Variants in NCAN observed in about 807,000 individuals in gnomAD.
The protein encoded by NCAN is neurocan.
In NCAN, 47 loss-of-function variants were observed where a neutral mutation model predicts 121.8. The observed-to-expected ratio is 0.39, with a 90% CI of 0.31 to 0.49. The LOEUF (loss-of-function observed/expected upper bound fraction) is 0.49, where lower values mean the gene tolerates loss of function less well. NCAN is among the 20% of genes least tolerant of loss of function. The pLI, the probability that NCAN is intolerant of heterozygous loss-of-function variation, is 0.92. For synonymous variants in NCAN, 633 were observed against 702.0 expected (o/e 0.90, Z 1.55); for missense variants, 1,517 against 1,773.4 (o/e 0.86, Z 2.60).
rs1389866471 is a variant in NCAN, at chr19:19,224,346, C to T, written c.691C>T (p.Arg231Cys). Residue 231 changes from arginine (R) to cysteine (C), a missense_variant, in exon 5 of 15, where the codon CGT becomes TGT. Arg to Cys is a radical substitution (Grantham distance 180). Transcript: ENST00000252575. ...TQSRPGCYGDRSSLPGVRSYG... is the reference protein window; with the variant it reads ...TQSRPGCYGDCSSLPGVRSYG... ...GTCCCGTCCTGGTTGCTATGGCGAC[C>T]GTAGCAGCCTTCCAGGGGTTCGGAG... The T allele has an allele frequency of 1.2e-6, 2 of 1,613,914 alleles. No homozygotes were observed. The highest frequency in any genetic ancestry group is 1.7e-6 in the Non-Finnish European group (2 of 1,179,970).
At position 19,226,717 on chromosome 19, in the gene NCAN, AC is replaced by A; in HGVS notation, c.1308del (p.Met437CysfsTer12). On this transcript the variant is annotated frameshift_variant, in exon 7 of 15. Transcript: ENST00000252575. LOFTEE classifies it high-confidence loss of function. ...CAGACCCTCAGCCCTACCCCTGGGG[AC>A]CCCATGCTGGCCTCATGGCCCACTG... is the stretch of plus-strand genomic sequence containing the variant. ...SQQTLSPTPGDPMLASWPTGE... is the reference protein window; with the variant it reads ...SQQTLSPTPGXPMLASWPTGE... 3.1e-6 allele frequency: 5 copies of A among 1,612,230 alleles called. No homozygotes were observed. The highest frequency in any genetic ancestry group is 4.2e-6 in the Non-Finnish European group (5 of 1,178,814).
At position 19,225,735 on chromosome 19, in the gene NCAN, G is replaced by A. The variant is rs1407869796; in HGVS notation, c.1072+465G>A. Among the ~76,000 whole-genome samples, 1 of 152,204 alleles carries A rather than the reference G, an allele frequency of 6.6e-6. No individual in the cohort carries two copies. The highest frequency in any genetic ancestry group is 1.5e-5 in the Non-Finnish European group (1 of 68,028). On this transcript the variant is annotated intron_variant, in intron 6 of 14. Transcript: ENST00000252575. The surrounding 1 kb of genome is among the most constrained non-coding windows in gnomAD (Gnocchi z 4.0). ...GGCAGTGGGGACAGCTTTGGAAGCT[G>A]CAAGCATCAACCCCAAGGAGCCATG...
At position 19,252,073 on chromosome 19, in the gene NCAN, G is replaced by A. The variant is rs1440663710; in HGVS notation, c.*2162G>A. 1 of 152,798 alleles carries A rather than the reference G, an allele frequency of 6.5e-6. No homozygotes were observed. The highest frequency in any genetic ancestry group is 6.5e-5 in the Admixed American group (1 of 15,282). The allele number at this position is 152,798 out of a possible 1,614,324, so 9.5% of individuals were successfully genotyped here. On this transcript the variant is annotated 3_prime_UTR_variant, in exon 15 of 15. Coordinates refer to ENST00000252575, the MANE Select transcript of NCAN (RefSeq NM_004386.3). The stretch of plus-strand genomic sequence containing the variant: ...TTTGGATGTGCGTGTGTGTCTGCGT[G>A]TGCCATGTGCGTGGCACGCATATGA...
At chr19:19,232,282 G>A (rs149465033) in intron 8 of NCAN, among the ~76,000 whole-genome samples, 3 of 152,290 alleles carry the variant, frequency 2.0e-5, no homozygotes, top group Non-Finnish European at 2.9e-5. Context: ...CTACCCACCC[G>A]CCGCTTGCAG....
chr19:19,229,878 A>G (rs1179015280), intron 8 of NCAN, among the ~76,000 whole-genome samples: 2 of 152,154 alleles, frequency 1.3e-5, no homozygotes, highest in African/African-American at 4.8e-5. Context: ...AAGAGTTAAG[A>G]CCAGGCTGGC....
In NCAN at chr19:19,225,212, C is replaced by A. The variant is rs2060831056; in HGVS notation, c.1014C>A (p.Phe338Leu). 5 of 1,572,290 alleles carry A rather than the reference C, an allele frequency of 3.2e-6. No individual in the cohort carries two copies. Among genetic ancestry groups the A allele is most frequent in the South Asian group, 1.1e-5 (1 of 88,110 alleles). ...PAPGVRTVYRFANRTGFPSPA... is the reference protein window; with the variant it reads ...PAPGVRTVYRLANRTGFPSPA... ...CGGGCGTGCGCACCGTCTACCGCTT[C>A]GCTAACCGGACCGGCTTCCCCTCAC... The change falls in exon 6 of 15, where the codon TTC (phenylalanine) becomes TTA (leucine). Residue 338 changes from phenylalanine (F) to leucine (L), a missense_variant. Transcript: ENST00000252575. The surrounding 1 kb of genome is among the most constrained non-coding windows in gnomAD (Gnocchi z 4.0).
At chr19:19,236,729 CTTT>C (rs112451049) in intron 10 of NCAN, among the ~76,000 whole-genome samples, 23 of 136,406 alleles carry the variant, frequency 1.7e-4, no homozygotes, top group African/African-American at 2.4e-4. Context: ...TGTGCTTGGC[CTTT>C]TTTTTTTTTT....
intron 8 of NCAN, among the ~76,000 whole-genome samples, chr19:19,230,927 G>GTT (rs1277355256): frequency 5.4e-5 from 8 of 147,716 alleles, no homozygotes; most frequent in Non-Finnish European, 1.1e-4. Flanking sequence ...GTGTGTGTGT[G>GTT]TAGAGATGGG....
chr19:19,216,610 G>A (rs2060797091), intron 1 of NCAN, among the ~76,000 whole-genome samples: 2 of 151,860 alleles, frequency 1.3e-5, no homozygotes, highest in African/African-American at 4.8e-5. Flanking sequence ...ACGCCTGGCT[G>A]CTAATTTTTT....
chr19:19,222,505 C>A (rs947868547), intron 3 of NCAN, among the ~76,000 whole-genome samples: 2 of 152,142 alleles, frequency 1.3e-5, no homozygotes, highest in African/African-American at 4.8e-5. Flanking sequence ...TTTCCAACTC[C>A]TAGCCTCAAG....
At chr19:19,247,918 A>G (rs1263332790) in intron 13 of NCAN, among the ~76,000 whole-genome samples, 1 of 152,004 alleles carries the variant, frequency 6.6e-6, no homozygotes, top group Non-Finnish European at 1.5e-5. Flanking sequence ...GTCATTCCCA[A>G]TAAAACTCAG....
At chr19:19,217,925 T>A (rs2060801772) in intron 2 of NCAN, among the ~76,000 whole-genome samples, 1 of 151,686 alleles carries the variant, frequency 6.6e-6, no homozygotes, top group African/African-American at 2.4e-5. Context: ...AGGCGAAGGT[T>A]GCAGTGAGCC....
intron 1 of NCAN, among the ~76,000 whole-genome samples, chr19:19,214,541 G>C (rs1364275019): frequency 6.6e-6 from 1 of 152,132 alleles, no homozygotes; most frequent in Non-Finnish European, 1.5e-5. Flanking sequence ...CTAAAGAGCT[G>C]TTTTTAAATT....
At chr19:19,230,715 C>CT (rs5827437) in intron 8 of NCAN, among the ~76,000 whole-genome samples, 71,798 of 127,620 alleles carry the variant, frequency 0.56, 19,788 homozygotes, top group East Asian at 0.64. Flanking sequence ...GGGGTGGGAT[C>CT]TTTTTTTTTT....
chr19:19,218,765 T>C, intron 2 of NCAN, 150 bp from the exon 3 acceptor site: 1 of 727,032 alleles, frequency 1.4e-6, no homozygotes, highest in African/African-American at 1.8e-5. Context: ...AGCTATCGCG[T>C]CCAGCCACTG....
intron 11 of NCAN, chr19:19,238,659 C>T: frequency 3.7e-6 from 2 of 538,738 alleles, no homozygotes; most frequent in African/African-American, 1.9e-5. Context: ...ATGCCAGGCA[C>T]CATTCCAGGA....
chr19:19,213,294 G>T (rs187737651), intron 1 of NCAN, among the ~76,000 whole-genome samples: 6 of 152,170 alleles, frequency 3.9e-5, no homozygotes, highest in Non-Finnish European at 5.9e-5. Context: ...TATGCCCAGG[G>T]GTTCTAGGGT....
At chr19:19,213,522 G>A (rs62135542) in intron 1 of NCAN, among the ~76,000 whole-genome samples, 1 of 146,496 alleles carries the variant, frequency 6.8e-6, no homozygotes, top group Non-Finnish European at 1.5e-5. Flanking sequence ...GGGGGGGCCC[G>A]AGACTGTGGG....
Position 19,251,954 on chromosome 19 carries a change from C to G in NCAN, c.*2043C>G, listed in dbSNP as rs189063044. 6.6e-6 allele frequency: 1 copy of G among 152,580 alleles called. No homozygotes were observed. The highest frequency in any genetic ancestry group is 2.4e-5 in the African/African-American group (1 of 41,562). 9.5% of individuals were successfully genotyped at this position (152,580 alleles called of 1,614,324 possible). A position where few individuals can be genotyped will look rare whatever the true frequency, so the allele number is the denominator to read the frequency against. ...GGTTTATGCTCCCTGCCCTTGAGCC[C>G]CTCAGCCGTTTGCCCTGCCCCCACC... is the stretch of plus-strand genomic sequence containing the variant. On this transcript the variant is annotated 3_prime_UTR_variant, in exon 15 of 15. Transcript: ENST00000252575.
Sources: gnomAD v4.1 joint callset for allele counts (sites outside exome capture counted in the v4.1 genomes callset) on GRCh38, gnomAD v4.1.1 for gene constraint, Gnocchi (gnomAD v3.1) non-coding constraint, MANE v1.5 for transcripts, NCBI Gene and HGNC (gene_info 2026-07-23, HGNC 2026-07-21) for gene names.